Variants in SYNPR observed in about 807,000 individuals in gnomAD.
The protein encoded by SYNPR is synaptoporin.
SYNPR carries 23 observed loss-of-function variants against 32.9 expected under a neutral mutation model. That is an observed-to-expected ratio of 0.70 (90% confidence interval 0.50 to 0.99). The LOEUF (loss-of-function observed/expected upper bound fraction) is 0.99. SYNPR is among the 50% of genes least tolerant of loss of function. The probability of loss-of-function intolerance (pLI) is 0.00; values close to 1 mark genes in which losing one functional copy is unlikely to be tolerated. For missense variants in SYNPR, 318 were observed against 349.3 expected, an observed-to-expected ratio of 0.91 and a Z score of 0.71; for synonymous variants, 146 against 135.9, an observed-to-expected ratio of 1.07 and a Z score of -0.52.
chr3:63,434,871 T>C (rs960520213), intron 2 of SYNPR, among the ~76,000 whole-genome samples: 2 of 152,218 alleles, frequency 1.3e-5, no homozygotes, highest in African/African-American at 4.8e-5. Context: ...TATTTTCTCT[T>C]CTTTAATAAT....
chr3:63,318,057 T>A (rs1467535259), intron 2 of SYNPR, among the ~76,000 whole-genome samples: 1 of 152,098 alleles, frequency 6.6e-6, no homozygotes, highest in African/African-American at 2.4e-5. Flanking sequence ...AAAATTGTTT[T>A]GTTTGAGGAA....
chr3:63,350,284 A>C (rs1250933159), intron 2 of SYNPR, among the ~76,000 whole-genome samples: 1 of 152,110 alleles, frequency 6.6e-6, no homozygotes, highest in Non-Finnish European at 1.5e-5. Flanking sequence ...ACTATTCCCT[A>C]TATATACAGC....
At chr3:63,567,564 G>A (rs915791415) in intron 4 of SYNPR, among the ~76,000 whole-genome samples, 31 of 152,174 alleles carry the variant, frequency 2.0e-4, no homozygotes, top group Admixed American at 1.3e-3. Flanking sequence ...AGCAGCTTAA[G>A]AATGTCTTGC....
intron 2 of SYNPR, among the ~76,000 whole-genome samples, chr3:63,254,295 G>A (rs1388071670): frequency 6.6e-6 from 1 of 152,034 alleles, no homozygotes; most frequent in Non-Finnish European, 1.5e-5. Context: ...TTGTGCACAT[G>A]TACCCTAAAA....
chr3:63,303,387 T>G (rs902607579), intron 2 of SYNPR, among the ~76,000 whole-genome samples: 4 of 151,970 alleles, frequency 2.6e-5, no homozygotes, highest in Non-Finnish European at 5.9e-5. Context: ...GGCAAACCAC[T>G]ACCATGTCTG....
intron 2 of SYNPR, among the ~76,000 whole-genome samples, chr3:63,387,387 G>A (rs2088064756): frequency 6.6e-6 from 1 of 152,118 alleles, no homozygotes; most frequent in Non-Finnish European, 1.5e-5. Context: ...TTAACCTTTA[G>A]AATTTTCCAC....
intron 3 of SYNPR, among the ~76,000 whole-genome samples, chr3:63,555,946 G>A (rs1258773655): frequency 1.3e-5 from 2 of 152,176 alleles, no homozygotes; most frequent in African/African-American, 4.8e-5. Flanking sequence ...AGCTCCTTTT[G>A]ATTAATGGCA....
chr3:63,462,459 C>T (rs543971408), intron 2 of SYNPR, among the ~76,000 whole-genome samples: 2 of 152,028 alleles, frequency 1.3e-5, no homozygotes, highest in South Asian at 2.1e-4. Flanking sequence ...TGTCTGCATA[C>T]CTCTGATAAA....
intron 4 of SYNPR, among the ~76,000 whole-genome samples, chr3:63,606,417 CTTTTTTTTTTTTT>C (rs61299069): frequency 1.5e-5 from 1 of 68,298 alleles, no homozygotes; most frequent in Non-Finnish European, 2.9e-5. Context: ...CAAATCCTTT[CTTTTTTTTTTTTT>C]TTTTTTTTTA....
intron 3 of SYNPR, among the ~76,000 whole-genome samples, chr3:63,553,284 AGCT>A (rs1702534242): frequency 6.6e-6 from 1 of 152,174 alleles, no homozygotes; most frequent in Admixed American, 6.5e-5. Context: ...CTTTTTTTAT[AGCT>A]ACATAGTATT....
intron 2 of SYNPR, among the ~76,000 whole-genome samples, chr3:63,312,058 C>T (rs2086971976): frequency 6.6e-6 from 1 of 151,958 alleles, no homozygotes; most frequent in Non-Finnish European, 1.5e-5. Flanking sequence ...AAATTCCCCT[C>T]CATTAGCAAT....
chr3:63,403,781 G>C (rs2088323993), intron 2 of SYNPR, among the ~76,000 whole-genome samples: 2 of 152,142 alleles, frequency 1.3e-5, no homozygotes, highest in African/African-American at 4.8e-5. Flanking sequence ...TAACCTAAGA[G>C]AGAACAAGGA....
intron 2 of SYNPR, among the ~76,000 whole-genome samples, chr3:63,305,737 T>C (rs1417287766): frequency 6.6e-6 from 1 of 151,912 alleles, no homozygotes; most frequent in Non-Finnish European, 1.5e-5. Context: ...TCTCAGAAAC[T>C]CCGCCCCTGT....
At chr3:63,218,610 T>A in the SYNPR span, among the ~76,000 whole-genome samples, 13 of 152,354 alleles carry the variant, frequency 8.5e-5, no homozygotes, top group African/African-American at 2.4e-4. Context: ...CTTTGCTTTT[T>A]GCCTCTTAAG....
At chr3:63,523,627 G>A (rs909735170) in intron 3 of SYNPR, among the ~76,000 whole-genome samples, 2 of 152,116 alleles carry the variant, frequency 1.3e-5, no homozygotes, top group African/African-American at 4.8e-5. Flanking sequence ...ACTGTGATGG[G>A]GGCCACTCAT....
At chr3:63,456,832 C>G (rs1392190474) in intron 2 of SYNPR, among the ~76,000 whole-genome samples, 1 of 152,086 alleles carries the variant, frequency 6.6e-6, no homozygotes, top group African/African-American at 2.4e-5. Context: ...GTTTTCTCCC[C>G]ACTCCGATGC....
chr3:63,385,396 G>A (rs1008100202), intron 2 of SYNPR, among the ~76,000 whole-genome samples: 1 of 152,166 alleles, frequency 6.6e-6, no homozygotes, highest in Non-Finnish European at 1.5e-5. Flanking sequence ...TGATAAGGGA[G>A]TAATTTTCCG....
intron 2 of SYNPR, among the ~76,000 whole-genome samples, chr3:63,319,343 G>A (rs2087083050): frequency 6.6e-6 from 1 of 152,044 alleles, no homozygotes; most frequent in Non-Finnish European, 1.5e-5. Context: ...ATTATAATTT[G>A]AAGTCAGGTA....
chr3:63,609,811 G>A (rs1243054242), intron 5 of SYNPR, among the ~76,000 whole-genome samples: 1 of 152,190 alleles, frequency 6.6e-6, no homozygotes, highest in African/African-American at 2.4e-5. Flanking sequence ...TCGGAAGGCT[G>A]AGGCATGAGA....
Sources: allele counts gnomAD v4.1 joint callset (sites outside exome capture counted in the v4.1 genomes callset), GRCh38; gene constraint gnomAD v4.1.1; transcripts MANE v1.5; gene names NCBI Gene and HGNC (gene_info 2026-07-23, HGNC 2026-07-21).